SNTG1: variants seen among roughly 807,000 people sequenced by gnomAD.
The protein encoded by SNTG1 is syntrophin gamma 1.
SNTG1 carries 39 observed loss-of-function variants against 74.7 expected under a neutral mutation model. The ratio of observed to expected loss-of-function variants is 0.52; its 90% CI spans 0.40 to 0.68. SNTG1 has a LOEUF of 0.68. SNTG1 is among the 30% of genes least tolerant of loss of function. SNTG1 has a pLI of 0.00. For missense variants in SNTG1, 685 were observed against 609.5 expected, an observed-to-expected ratio of 1.12 and a Z score of -1.30; for synonymous variants, 254 against 217.1, an observed-to-expected ratio of 1.17 and a Z score of -1.49.
intron 2 of SNTG1, among the ~76,000 whole-genome samples, chr8:50,377,040 A>G (rs377240218): frequency 1.1e-4 from 16 of 152,090 alleles, no homozygotes; most frequent in African/African-American, 3.9e-4. Context: ...CAGGCTCACA[A>G]TGGGTCGGCT....
intron 8 of SNTG1, among the ~76,000 whole-genome samples, chr8:50,460,577 G>A (rs960980859): frequency 2.6e-5 from 4 of 152,198 alleles, no homozygotes; most frequent in Middle Eastern, 3.4e-3. Context: ...TGTCCAAAAT[G>A]GTATTTTCTA....
intron 1 of SNTG1, among the ~76,000 whole-genome samples, chr8:50,119,205 T>G (rs948203288): frequency 7.1e-6 from 1 of 141,780 alleles, no homozygotes; most frequent in Non-Finnish European, 1.6e-5. Flanking sequence ...AAAAATTATA[T>G]AGCCAGCGAA....
chr8:50,092,256 T>TA (rs1469096514), intron 1 of SNTG1, among the ~76,000 whole-genome samples: 1 of 152,156 alleles, frequency 6.6e-6, no homozygotes, highest in Non-Finnish European at 1.5e-5. Context: ...ACAAAGACCT[T>TA]AATTAGATGG....
chr8:50,448,915 C>T (rs2093430346), intron 5 of SNTG1, among the ~76,000 whole-genome samples: 1 of 152,040 alleles, frequency 6.6e-6, no homozygotes, highest in South Asian at 2.1e-4. Flanking sequence ...GTAGTCCCAG[C>T]TACTCGGGAG....
At chr8:50,749,668 A>G (rs1212192288) in intron 17 of SNTG1, among the ~76,000 whole-genome samples, 2 of 152,016 alleles carry the variant, frequency 1.3e-5, no homozygotes, top group Non-Finnish European at 2.9e-5. Flanking sequence ...AGGACCCTTA[A>G]GAATTGTGCT....
intron 1 of SNTG1, among the ~76,000 whole-genome samples, chr8:50,041,185 C>T (rs1229270085): frequency 6.6e-6 from 1 of 152,114 alleles, no homozygotes; most frequent in African/African-American, 2.4e-5. Flanking sequence ...CGTGAGCCAC[C>T]ACACCTGGCC....
intron 8 of SNTG1, among the ~76,000 whole-genome samples, chr8:50,479,426 TC>T (rs1454935451): frequency 2.6e-5 from 4 of 152,146 alleles, no homozygotes; most frequent in African/African-American, 9.7e-5. Flanking sequence ...ATGCTTTCTT[TC>T]CTACAGAATT....
intron 1 of SNTG1, among the ~76,000 whole-genome samples, chr8:50,028,386 G>A (rs182202796): frequency 2.9e-4 from 44 of 152,064 alleles, no homozygotes; most frequent in Admixed American, 2.6e-3. Flanking sequence ...TAGTTTACAG[G>A]TTTTGGTTAT....
intron 1 of SNTG1, among the ~76,000 whole-genome samples, chr8:49,927,779 A>T (rs1807160423): frequency 6.6e-6 from 1 of 152,084 alleles, no homozygotes; most frequent in Admixed American, 6.6e-5. Flanking sequence ...ATGTTTGTCC[A>T]GACCCACAGA....
At chr8:49,992,403 A>G (rs958110309) in intron 1 of SNTG1, among the ~76,000 whole-genome samples, 2 of 152,210 alleles carry the variant, frequency 1.3e-5, no homozygotes, top group Non-Finnish European at 2.9e-5. Context: ...TTTACATATT[A>G]GGATTTGATA....
chr8:50,107,524 G>A (rs1054436900), intron 1 of SNTG1, among the ~76,000 whole-genome samples: 10 of 151,834 alleles, frequency 6.6e-5, no homozygotes, highest in South Asian at 2.1e-4. Flanking sequence ...TTATTTTAAA[G>A]GTTAAAATAA....
Position 50,691,043 on chromosome 8 carries a change from T to C in SNTG1, c.1039-13557T>C, listed in dbSNP as rs199739628. 1.1e-4 allele frequency among the ~76,000 whole-genome samples: 16 copies of C among 152,226 alleles called. No homozygotes were observed. In the South Asian group the frequency reaches 2.7e-3, roughly 26 times the overall value. ...CTTTTGATCTTTGTTGGTTTAAAGTTTGTTTTATCAGAGACTAGGATTGCA... is the reference window on the plus strand; with the variant it reads ...CTTTTGATCTTTGTTGGTTTAAAGTCTGTTTTATCAGAGACTAGGATTGCA... On this transcript the variant is annotated intron_variant, in intron 15 of 18. Coordinates refer to ENST00000642720, the MANE Select transcript of SNTG1 (RefSeq NM_018967.5).
At chr8:50,313,559 C>T (rs1315706122) in intron 2 of SNTG1, among the ~76,000 whole-genome samples, 1 of 149,714 alleles carries the variant, frequency 6.7e-6, no homozygotes, top group East Asian at 2.0e-4. Flanking sequence ...AAAAAATGTG[C>T]AACATCGTTA....
At chr8:50,467,520 TTCTC>T (rs1314644712) in intron 8 of SNTG1, among the ~76,000 whole-genome samples, 2 of 151,904 alleles carry the variant, frequency 1.3e-5, no homozygotes, top group African/African-American at 4.8e-5. Flanking sequence ...ATTTGTATCT[TTCTC>T]TCTTTATTTC....
chr8:50,508,518 C>T (rs2094031364), intron 9 of SNTG1, among the ~76,000 whole-genome samples: 1 of 152,174 alleles, frequency 6.6e-6, no homozygotes, highest in Admixed American at 6.5e-5. Flanking sequence ...AATGGTTGAA[C>T]TAGTTTACAG....
At chr8:50,137,697 G>A (rs1029970345) in intron 1 of SNTG1, among the ~76,000 whole-genome samples, 5 of 152,168 alleles carry the variant, frequency 3.3e-5, no homozygotes, top group Non-Finnish European at 7.3e-5. Flanking sequence ...GAAGTGACAT[G>A]GAGTAAACCA....
At chr8:50,265,477 C>T (rs2087417670) in intron 2 of SNTG1, among the ~76,000 whole-genome samples, 1 of 151,962 alleles carries the variant, frequency 6.6e-6, no homozygotes, top group Non-Finnish European at 1.5e-5. Flanking sequence ...TCTGATCAAC[C>T]TTATAAAGGG....
rs943605751 is a variant in SNTG1 at position 50,064,123 on chromosome 8, T to C, written c.-102-108438T>C. Among the ~76,000 whole-genome samples the C allele has an allele frequency of 3.3e-5, 5 of 152,220 alleles. 1 individual carries two copies. In the East Asian group the frequency reaches 9.6e-4, roughly 29 times the overall value. Reference sequence around the variant, plus strand: ...ATTAAATATGGAAATACACATAAAGTAACCTACACAGTGCTTGGCACCAAT... The same window carrying C: ...ATTAAATATGGAAATACACATAAAGCAACCTACACAGTGCTTGGCACCAAT... On this transcript the variant is annotated intron_variant, in intron 1 of 18. Transcript: ENST00000642720.
rs1010071251 is a variant in SNTG1, at chr8:50,529,916, A to G, written c.467-261A>G. 9.5e-4 allele frequency among the ~76,000 whole-genome samples: 132 copies of G among 139,398 alleles called. 1 individual carries two copies. Among genetic ancestry groups the G allele is most frequent in the Non-Finnish European group, 1.1e-4 (7 of 62,124 alleles). The allele number at this position is 139,398 out of a possible 152,430, so 91.5% of individuals were successfully genotyped here. A position where few individuals can be genotyped will look rare whatever the true frequency, so the allele number is the denominator to read the frequency against. Reference sequence around the variant, plus strand: ...ATTAAACAAAATAATACTTTTTATAAGGCTGTACATTTTCCTTTATAAAGT... The same window carrying G: ...ATTAAACAAAATAATACTTTTTATAGGGCTGTACATTTTCCTTTATAAAGT... On this transcript the variant is annotated intron_variant, in intron 9 of 18. Coordinates refer to ENST00000642720, the MANE Select transcript of SNTG1 (RefSeq NM_018967.5).
Sources: gnomAD v4.1 joint callset for allele counts (sites outside exome capture counted in the v4.1 genomes callset) on GRCh38, gnomAD v4.1.1 for gene constraint, MANE v1.5 for transcripts, NCBI Gene and HGNC (gene_info 2026-07-23, HGNC 2026-07-21) for gene names.